The following PIGN variants were observed in gnomAD, a reference collection of about 807,000 sequenced individuals.
PIGN encodes GPI ethanolamine phosphate transferase 1.
In PIGN, 117 loss-of-function variants were observed where a neutral mutation model predicts 125.4. The observed-to-expected ratio is 0.93, with a 90% CI of 0.80 to 1.09. The LOEUF (loss-of-function observed/expected upper bound fraction) is 1.09, where lower values mean the gene tolerates loss of function less well. PIGN is among the 50% of genes least tolerant of loss of function. The pLI is 0.00. For missense variants in PIGN, 1,075 were observed against 1,094.9 expected, an observed-to-expected ratio of 0.98 and a Z score of 0.26; for synonymous variants, 392 against 377.8, an observed-to-expected ratio of 1.04 and a Z score of -0.44.
At chr18:62,082,959 C>T (rs565763388) in intron 27 of PIGN, among the ~76,000 whole-genome samples, 88 of 152,086 alleles carry the variant, frequency 5.8e-4, no homozygotes, top group South Asian at 4.4e-3. Context: ...ATAAGCTATA[C>T]GATGTAAAAG....
chr18:62,054,902 C>G (rs909560142), intron 30 of PIGN, among the ~76,000 whole-genome samples: 4 of 152,076 alleles, frequency 2.6e-5, no homozygotes, highest in Non-Finnish European at 4.4e-5. Flanking sequence ...CATGAACAGA[C>G]GTTTCATCAA....
intron 23 of PIGN, among the ~76,000 whole-genome samples, chr18:62,018,926 A>G (rs2030017540): frequency 6.6e-6 from 1 of 152,188 alleles, no homozygotes; most frequent in South Asian, 2.1e-4. Flanking sequence ...AGTTAGAAAA[A>G]GCATTGGAGG....
chr18:62,138,409 A>G, intron 13 of PIGN, 111 bp from the exon 14 acceptor site: 1 of 1,371,874 alleles, frequency 7.3e-7, no homozygotes, highest in Non-Finnish European at 9.7e-7. Context: ...CTTTGAAAAT[A>G]AATGGAATTT....
intron 27 of PIGN, among the ~76,000 whole-genome samples, chr18:62,083,735 C>T (rs1229014906): frequency 6.6e-6 from 1 of 152,072 alleles, no homozygotes; most frequent in African/African-American, 2.4e-5. Flanking sequence ...GAAATAGCAA[C>T]ATGTTTTAAA....
chr18:62,158,018 CCAAA>C (rs886977680), intron 4 of PIGN: 19 of 480,362 alleles, frequency 4.0e-5, no homozygotes, highest in South Asian at 8.7e-5. Context: ...TGATGTAAGA[CCAAA>C]CAAAGAACCA....
intron 6 of PIGN, among the ~76,000 whole-genome samples, chr18:62,155,982 C>T (rs150252298): frequency 2.8e-4 from 43 of 152,276 alleles, no homozygotes; most frequent in African/African-American, 9.1e-4. Context: ...TTCCTGGACA[C>T]ATAATAATCT....
downstream of PIGN, among the ~76,000 whole-genome samples, chr18:62,037,405 G>T (rs1429098602): frequency 2.0e-5 from 3 of 152,234 alleles, no homozygotes; most frequent in Non-Finnish European, 4.4e-5. Context: ...CCATGGCCGG[G>T]CCTGTCCACA....
intron 16 of PIGN, among the ~76,000 whole-genome samples, chr18:62,110,865 ATATATATAAATATGTATATATAT>A (rs1175105170): frequency 1.4e-5 from 2 of 147,712 alleles, no homozygotes; most frequent in Non-Finnish European, 3.0e-5. Flanking sequence ...TAATACATAT[ATATATATAAATATGTATATATAT>A]TATATATATA....
intron 11 of PIGN, among the ~76,000 whole-genome samples, chr18:62,140,761 T>G (rs1175417446): frequency 6.6e-6 from 1 of 152,170 alleles, no homozygotes; most frequent in Non-Finnish European, 1.5e-5. Context: ...TTTGACCATT[T>G]TATGTAACAG....
At chr18:62,105,744 A>T (rs1301160274) in intron 19 of PIGN, 110 bp from the exon 20 acceptor site, 1 of 549,498 alleles carries the variant, frequency 1.8e-6, no homozygotes, top group Non-Finnish European at 3.3e-6. Flanking sequence ...AAAGCCTTAC[A>T]GCTGTTTATT....
At chr18:62,068,844 T>G (rs1361125038) in intron 30 of PIGN, among the ~76,000 whole-genome samples, 1 of 152,312 alleles carries the variant, frequency 6.6e-6, no homozygotes. Context: ...CCCAATGTAC[T>G]CTTGTAAGCC....
intron 1 of PIGN, among the ~76,000 whole-genome samples, chr18:62,183,493 A>G (rs1230871636): frequency 6.6e-6 from 1 of 152,174 alleles, no homozygotes; most frequent in African/African-American, 2.4e-5. Flanking sequence ...CTTGCAACCT[A>G]TCTTCCACTC....
Position 62,045,772 on chromosome 18 carries a change from A to G in PIGN, c.*84T>C. ...GGAGTAGAATATACTATATATCCATATCCATCTTCTTATTGAAGCCTTGAT... is the reference window on the plus strand; with the variant it reads ...GGAGTAGAATATACTATATATCCATGTCCATCTTCTTATTGAAGCCTTGAT... On this transcript the variant is annotated 3_prime_UTR_variant, in exon 31 of 31. Coordinates refer to ENST00000640252, the MANE Select transcript of PIGN (RefSeq NM_176787.5). 1.5e-6 allele frequency: 2 copies of G among 1,330,270 alleles called. No individual in the cohort carries two copies. Among genetic ancestry groups the G allele is most frequent in the East Asian group, 2.3e-5 (1 of 43,410 alleles). The allele number at this position is 1,330,270 out of a possible 1,614,324, so 82.4% of individuals were successfully genotyped here.
chr18:62,160,791 G>A (rs969502176), intron 4 of PIGN, among the ~76,000 whole-genome samples: 2 of 152,156 alleles, frequency 1.3e-5, no homozygotes, highest in African/African-American at 2.4e-5. Context: ...TTACAGGCGT[G>A]AGCCACTGTG....
At chr18:62,068,673 A>T (rs1378326101) in intron 30 of PIGN, among the ~76,000 whole-genome samples, 1 of 152,100 alleles carries the variant, frequency 6.6e-6, no homozygotes, top group Non-Finnish European at 1.5e-5. Context: ...CTGAGACTGC[A>T]TGACCTCTCT....
At chr18:62,156,887 T>C (rs1479133987) in intron 6 of PIGN, among the ~76,000 whole-genome samples, 1 of 152,222 alleles carries the variant, frequency 6.6e-6, no homozygotes, top group Non-Finnish European at 1.5e-5. Context: ...TGTTAAGCGA[T>C]AGTGCTATAT....
At chr18:62,160,247 C>T (rs992355619) in intron 4 of PIGN, among the ~76,000 whole-genome samples, 1 of 152,228 alleles carries the variant, frequency 6.6e-6, no homozygotes, top group Admixed American at 6.5e-5. Flanking sequence ...AACAGCATTA[C>T]AAGGCCTTTC....
chr18:62,063,830 A>T (rs1217847897), intron 30 of PIGN, among the ~76,000 whole-genome samples: 1 of 149,860 alleles, frequency 6.7e-6, no homozygotes, highest in Non-Finnish European at 1.5e-5. Context: ...TTGTGAGGAC[A>T]GAAAACCAAA....
In PIGN at chr18:62,113,458, G is replaced by C. The variant is rs1267309837; in HGVS notation, c.1252-142C>G. The stretch of plus-strand genomic sequence containing the variant: ...AACTGTAGATGATGGATTAAGAACA[G>C]ATTTTAATTGTTCCAGGATCTTCTT... On this transcript the variant is annotated intron_variant, in intron 15 of 30. Transcript: ENST00000640252. 3 of 570,806 alleles carry C rather than the reference G, an allele frequency of 5.3e-6. No homozygotes were observed. The African/African-American group carries it at 5.8e-5, about 11-fold the overall frequency. 35.4% of individuals were successfully genotyped at this position (570,806 alleles called of 1,614,324 possible).
Sources: allele counts gnomAD v4.1 joint callset (sites outside exome capture counted in the v4.1 genomes callset), GRCh38; gene constraint gnomAD v4.1.1; transcripts MANE v1.5; gene names NCBI Gene and HGNC (gene_info 2026-07-23, HGNC 2026-07-21).